LIMCH1: variants seen among roughly 807,000 people sequenced by gnomAD.
LIMCH1 encodes LIM and calponin homology domains-containing protein 1.
LIMCH1 carries 113 observed loss-of-function variants against 176.5 expected under a neutral mutation model. The observed-to-expected ratio is 0.64, with a 90% CI of 0.55 to 0.75. The LOEUF is 0.75. LIMCH1 is among the 30% of genes least tolerant of loss of function. The pLI is 0.00. For synonymous variants in LIMCH1, 619 were observed against 645.9 expected, an observed-to-expected ratio of 0.96 and a Z score of 0.63; for missense variants, 1,674 against 1,814.9, an observed-to-expected ratio of 0.92 and a Z score of 1.41.
chr4:41,498,811 C>T (rs2072686901), intron 2 of LIMCH1, among the ~76,000 whole-genome samples: 2 of 151,986 alleles, frequency 1.3e-5, no homozygotes, highest in African/African-American at 4.8e-5. Flanking sequence ...GTGTTCCTGA[C>T]TCTGATTTTA....
chr4:41,610,833 A>G (rs1291171478), intron 4 of LIMCH1, among the ~76,000 whole-genome samples: 1 of 152,226 alleles, frequency 6.6e-6, no homozygotes, highest in Admixed American at 6.6e-5. Context: ...CATGCTTCAT[A>G]TAACATTTCA....
chr4:41,498,138 G>T (rs571502106), intron 2 of LIMCH1, among the ~76,000 whole-genome samples: 1 of 152,298 alleles, frequency 6.6e-6, no homozygotes, highest in South Asian at 2.1e-4. Flanking sequence ...AGGGTCGGAG[G>T]CTGTGGTCAG....
chr4:41,405,180 G>A (rs2058837388), intron 1 of LIMCH1, among the ~76,000 whole-genome samples: 1 of 152,058 alleles, frequency 6.6e-6, no homozygotes, highest in African/African-American at 2.4e-5. Context: ...AGAAACCATA[G>A]TTTATTGGTT....
chr4:41,691,409 GA>G (rs1361575774), intron 30 of LIMCH1, among the ~76,000 whole-genome samples: 13 of 152,006 alleles, frequency 8.6e-5, no homozygotes, highest in Non-Finnish European at 1.8e-4. Context: ...ATTCCCAGTG[GA>G]TTTGTTGCTC....
chr4:41,443,945 G>A (rs1309566195), intron 1 of LIMCH1, among the ~76,000 whole-genome samples: 1 of 152,178 alleles, frequency 6.6e-6, no homozygotes, highest in Admixed American at 6.5e-5. Flanking sequence ...TAGACTCAAG[G>A]AAAGGCAAGC....
chr4:41,650,245 C>CCCTCTT (rs1297071609), intron 17 of LIMCH1, 148 bp from the exon 18 acceptor site: 1 of 643,714 alleles, frequency 1.6e-6, no homozygotes, highest in Non-Finnish European at 2.7e-6. Context: ...ACTCATAGAT[C>CCCTCTT]CCATCAGAAC....
In LIMCH1 at chr4:41,687,894, C is replaced by T; in HGVS notation, c.4143C>T (p.Thr1381=). Reference sequence around the variant, plus strand: ...GGCCTTTCTCTCCCTGTTCTCCCACCCCTCCCGGTCAGTCACCAAACAGGT... The same window carrying T: ...GGCCTTTCTCTCCCTGTTCTCCCACTCCTCCCGGTCAGTCACCAAACAGGT... ...QAGPFSPCSP[T]PPGQSPNRSI... Residue 1381 remains threonine, a synonymous_variant, in exon 29 of 32, where the codon ACC becomes ACT. Transcript: ENST00000503057. The T allele has an allele frequency of 6.2e-7, 1 of 1,613,522 alleles. No individual in the cohort carries two copies. The highest frequency in any genetic ancestry group is 8.5e-7 in the Non-Finnish European group (1 of 1,179,650).
intron 13 of LIMCH1, among the ~76,000 whole-genome samples, chr4:41,636,664 C>G (rs901881684): frequency 2.0e-5 from 3 of 152,136 alleles, no homozygotes; most frequent in Admixed American, 1.3e-4. Flanking sequence ...ACAGAAAAAT[C>G]TCTGCTTCTG....
At chr4:41,639,945 TG>T (rs1400831705) in intron 14 of LIMCH1, among the ~76,000 whole-genome samples, 1 of 152,196 alleles carries the variant, frequency 6.6e-6, no homozygotes, top group African/African-American at 2.4e-5. Context: ...GAATAGAATT[TG>T]CATGTAGAAC....
At chr4:41,689,262 T>A (rs1723407864) in intron 29 of LIMCH1, among the ~76,000 whole-genome samples, 2 of 152,170 alleles carry the variant, frequency 1.3e-5, no homozygotes. Context: ...ACAAACTTCT[T>A]GAAACAAATA....
chr4:41,526,186 A>G (rs936937846), intron 3 of LIMCH1, among the ~76,000 whole-genome samples: 3 of 147,372 alleles, frequency 2.0e-5, no homozygotes, highest in Admixed American at 1.3e-4. Context: ...CTTTCCTTCT[A>G]TTTATGTTCT....
intron 14 of LIMCH1, among the ~76,000 whole-genome samples, chr4:41,639,351 G>A (rs1324238318): frequency 6.6e-6 from 1 of 152,212 alleles, no homozygotes; most frequent in Non-Finnish European, 1.5e-5. Context: ...CAATGAGGTA[G>A]TCATTCCCAT....
chr4:41,581,827 A>C (rs1297551016), intron 1 of LIMCH1, among the ~76,000 whole-genome samples: 1 of 151,242 alleles, frequency 6.6e-6, no homozygotes, highest in East Asian at 1.9e-4. Flanking sequence ...AAAAAAAAAA[A>C]AAACAACAGC....
upstream of LIMCH1, among the ~76,000 whole-genome samples, chr4:41,535,162 C>CAAAAAAA (rs61639965): frequency 1.9e-4 from 16 of 83,954 alleles, no homozygotes; most frequent in African/African-American, 2.8e-4. Context: ...GACCCTGTCA[C>CAAAAAAA]AAAAAAAAAA....
In LIMCH1 at chr4:41,696,966, T is replaced by G. The variant is rs115831750; in HGVS notation, c.4379-194T>G. ...GGAATGCGGCTTAAGAGCCCGGATT[T>G]CAAACAGACTCCAGGTGATGCCAGT... On this transcript the variant is annotated intron_variant, in intron 31 of 31. Coordinates refer to ENST00000503057, the MANE Select transcript of LIMCH1 (RefSeq NM_001330672.2). Among the ~76,000 whole-genome samples, 248 of 152,242 alleles carry G rather than the reference T, an allele frequency of 1.6e-3. 2 individuals are homozygous for G. Among genetic ancestry groups the G allele is most frequent in the African/African-American group, 5.7e-3 (237 of 41,558 alleles).
At chr4:41,579,246 T>A (rs2085000729) in intron 1 of LIMCH1, among the ~76,000 whole-genome samples, 1 of 152,188 alleles carries the variant, frequency 6.6e-6, no homozygotes, top group African/African-American at 2.4e-5. Flanking sequence ...CCTCTCAATA[T>A]CAGGGCTGTT....
intron 1 of LIMCH1, among the ~76,000 whole-genome samples, chr4:41,419,891 T>C (rs4579156): frequency 0.13 from 19,490 of 151,560 alleles, 1,478 homozygotes; most frequent in Admixed American, 0.21. Context: ...ATTGAGGATA[T>C]AACTTCGAAC....
chr4:41,602,237 A>G (rs1421261834), intron 2 of LIMCH1, among the ~76,000 whole-genome samples: 1 of 152,070 alleles, frequency 6.6e-6, no homozygotes, highest in African/African-American at 2.4e-5. Context: ...ATGGGAAATG[A>G]AAGTGTAATC....
chr4:41,624,421 G>A (rs891754329), intron 7 of LIMCH1, among the ~76,000 whole-genome samples: 8 of 152,080 alleles, frequency 5.3e-5, no homozygotes, highest in Non-Finnish European at 1.0e-4. Context: ...CTTACCAAAC[G>A]CCGGTTCACC....
Sources: gnomAD v4.1 joint callset for allele counts (sites outside exome capture counted in the v4.1 genomes callset) on GRCh38, gnomAD v4.1.1 for gene constraint, MANE v1.5 for transcripts, NCBI Gene and HGNC (gene_info 2026-07-23, HGNC 2026-07-21) for gene names.